The following FERMT3 variants were observed in gnomAD, a reference collection of about 807,000 sequenced individuals.
FERMT3 encodes the protein FERM domain containing kindlin 3.
In FERMT3, 33 loss-of-function variants were observed where a neutral mutation model predicts 80.8. The observed-to-expected ratio is 0.41, with a 90% CI of 0.31 to 0.55. The LOEUF (loss-of-function observed/expected upper bound fraction) is 0.55. FERMT3 is among the 20% of genes least tolerant of loss of function. The probability of loss-of-function intolerance (pLI) is 0.31; values close to 1 mark genes in which losing one functional copy is unlikely to be tolerated. For missense variants in FERMT3, 754 were observed against 908.7 expected, an observed-to-expected ratio of 0.83 and a Z score of 2.19; for synonymous variants, 375 against 372.2, an observed-to-expected ratio of 1.01 and a Z score of -0.09.
chr11:64,217,434 A>G (rs1946575356), intron 6 of FERMT3, among the ~76,000 whole-genome samples: 2 of 152,298 alleles, frequency 1.3e-5, no homozygotes, highest in South Asian at 4.1e-4. Context: ...CTGTAATCCC[A>G]GCTACTCAGG....
chr11:64,209,259 T>G (rs1039687793), intron 2 of FERMT3, among the ~76,000 whole-genome samples: 3 of 152,126 alleles, frequency 2.0e-5, no homozygotes, highest in African/African-American at 7.2e-5. Context: ...ACAGTCCCAG[T>G]GTCAGCCACT....
chr11:64,207,638 G>A, intron 2 of FERMT3, 114 bp downstream of exon 2: 1 of 1,309,272 alleles, frequency 7.6e-7, no homozygotes, highest in Non-Finnish European at 1.0e-6. Context: ...GTGTCACGGT[G>A]ACTCAGGCAT....
At position 64,219,830 on chromosome 11, in the gene FERMT3, T is replaced by C. The variant is rs1352977334; in HGVS notation, c.1079+41T>C. 1 of 1,613,934 alleles carries C rather than the reference T, an allele frequency of 6.2e-7. No homozygotes were observed. Among genetic ancestry groups the C allele is most frequent in the Admixed American group, 1.7e-5 (1 of 60,020 alleles). On this transcript the variant is annotated intron_variant, in intron 9 of 14. Transcript: ENST00000345728. This position sits in a 1 kb window ranked among gnomAD's most constrained non-coding sequence, Gnocchi z 4.0. ...GAGTAGGCAGCCCTGCTGGAGGGGT[T>C]GGTCTGCATATGGAGGGAGGGGGTG... is the stretch of plus-strand genomic sequence containing the variant.
At chr11:64,220,100 C>G in intron 10 of FERMT3, 85 bp downstream of exon 10, 1 of 1,586,270 alleles carries the variant, frequency 6.3e-7, no homozygotes, top group South Asian at 1.1e-5. Context: ...CCTGTTTCCT[C>G]CTGGAGACCG....
intron 6 of FERMT3, among the ~76,000 whole-genome samples, chr11:64,216,632 TAA>T (rs1946557197): frequency 6.7e-6 from 1 of 150,264 alleles, no homozygotes; most frequent in South Asian, 2.1e-4. Context: ...CTGTCTCTAC[TAA>T]AAATACAAAA....
Position 64,219,171 on chromosome 11 carries a change from G to T in FERMT3, c.787-80G>T. On this transcript the variant is annotated intron_variant, in intron 6 of 14. Coordinates refer to ENST00000345728, the MANE Select transcript of FERMT3 (RefSeq NM_031471.6). This position sits in a 1 kb window ranked among gnomAD's most constrained non-coding sequence, Gnocchi z 4.0. Reference sequence around the variant, plus strand: ...GAGGGCAGGGCAGAGGGCCAAGGCTGGCAGGGGCTCAGTGCAGGGCGTCCA... The same window carrying T: ...GAGGGCAGGGCAGAGGGCCAAGGCTTGCAGGGGCTCAGTGCAGGGCGTCCA... The T allele has an allele frequency of 2.2e-6, 3 of 1,371,146 alleles. No individual in the cohort carries two copies. The highest frequency in any genetic ancestry group is 3.0e-6 in the Non-Finnish European group (3 of 988,162). The allele number at this position is 1,371,146 out of a possible 1,614,324, so 84.9% of individuals were successfully genotyped here. A position where few individuals can be genotyped will look rare whatever the true frequency, so the allele number is the denominator to read the frequency against.
intron 6 of FERMT3, among the ~76,000 whole-genome samples, chr11:64,214,861 G>A (rs1946518325): frequency 6.7e-6 from 1 of 149,420 alleles, no homozygotes; most frequent in Non-Finnish European, 1.5e-5. Flanking sequence ...GGAGTGCAAT[G>A]GCGTGATCTC....
chr11:64,219,745 C>G lies in FERMT3; in HGVS notation c.1035C>G (p.Ser345Arg). Residue 345 changes from serine (S) to arginine (R), a missense_variant, in exon 9 of 15, where the codon AGC becomes AGG. Transcript: ENST00000345728. The surrounding 1 kb of genome is among the most constrained non-coding windows in gnomAD (Gnocchi z 4.0). ...EGSAPTDVLD[S>R]LTTIPELKDH... is the part of the protein sequence containing the mutation. ...TGACTCTGGTCCTCCCATAGGACAG[C>G]CTCACCACCATCCCAGAGCTCAAGG... is the stretch of plus-strand genomic sequence containing the variant. 6.2e-7 allele frequency: 1 copy of G among 1,613,850 alleles called. No individual in the cohort carries two copies. The highest frequency in any genetic ancestry group is 8.5e-7 in the Non-Finnish European group (1 of 1,179,936).
rs188390443 is a variant in FERMT3, at chr11:64,208,257, C to T, written c.160+733C>T. Among the ~76,000 whole-genome samples, 687 of 152,290 alleles carry T rather than the reference C, an allele frequency of 4.5e-3. 8 individuals are homozygous for T. Among genetic ancestry groups the T allele is most frequent in the African/African-American group, 0.014 (565 of 41,564 alleles). On this transcript the variant is annotated intron_variant, in intron 2 of 14. Coordinates refer to ENST00000345728, the MANE Select transcript of FERMT3 (RefSeq NM_031471.6). Reference sequence around the variant, plus strand: ...GTGGAGAGGATAGGGTCCAGAACGGCCCGGCCACAAGACTGAGGCTGTGAG... The same window carrying T: ...GTGGAGAGGATAGGGTCCAGAACGGTCCGGCCACAAGACTGAGGCTGTGAG...
At chr11:64,214,168 C>CTTTTTTTTT (rs60329788) in intron 6 of FERMT3, among the ~76,000 whole-genome samples, 5 of 113,444 alleles carry the variant, frequency 4.4e-5, no homozygotes, top group South Asian at 2.9e-4. Flanking sequence ...TCATAATTGC[C>CTTTTTTTTT]TTTTTTTTTT....
In FERMT3 at chr11:64,223,583, CCAGG is replaced by C; in HGVS notation, c.*98_*101del. On this transcript the variant is annotated 3_prime_UTR_variant, in exon 15 of 15. Coordinates refer to ENST00000345728, the MANE Select transcript of FERMT3 (RefSeq NM_031471.6). ...AGGGGCTCACTGCCCCACACCCGCT[CCAGG>C]CAGGCACCCAGCTGGGCATTTCACC... 2 of 1,440,158 alleles carry C rather than the reference CCAGG, an allele frequency of 1.4e-6. No homozygotes were observed. The highest frequency in any genetic ancestry group is 1.9e-6 in the Non-Finnish European group (2 of 1,059,554). The allele number at this position is 1,440,158 out of a possible 1,614,324, so 89.2% of individuals were successfully genotyped here.
chr11:64,220,412 GT>G, intron 11 of FERMT3, 23 bp from the exon 12 acceptor site: 1 of 1,609,686 alleles, frequency 6.2e-7, no homozygotes, highest in African/African-American at 1.3e-5. Flanking sequence ...GGTTAGCACT[GT>G]CCCCCTCACC....
chr11:64,207,616 C>A, intron 2 of FERMT3, 92 bp downstream of exon 2: 1 of 1,457,560 alleles, frequency 6.9e-7, no homozygotes, highest in Non-Finnish European at 9.3e-7. Context: ...TGCTGCTCAG[C>A]TCCCGATAAT....
chr11:64,210,467 C>A lies in FERMT3; in HGVS notation c.161-144C>A. The A allele has an allele frequency of 1.2e-6, 1 of 815,100 alleles. No individual in the cohort carries two copies. The allele number at this position is 815,100 out of a possible 1,614,324, so 50.5% of individuals were successfully genotyped here. A position where few individuals can be genotyped will look rare whatever the true frequency, so the allele number is the denominator to read the frequency against. On this transcript the variant is annotated intron_variant, in intron 2 of 14. Transcript: ENST00000345728. The surrounding 1 kb of genome is among the most constrained non-coding windows in gnomAD (Gnocchi z 4.3). ...CTGCTGCTGTTACCATGGGGTAGAC[C>A]CCAGGCCCGCCCAGGCTGCCCCACT...
rs778511386 is a variant in FERMT3, at chr11:64,211,088, C to T, written c.431C>T (p.Ala144Val). Residue 144 changes from alanine to valine, a missense_variant, in exon 4 of 15, where the codon GCT becomes GTT. Physicochemically the swap from Ala to Val is moderately conservative, Grantham distance 64. Transcript: ENST00000345728. This position sits in a 1 kb window ranked among gnomAD's most constrained non-coding sequence, Gnocchi z 4.7. ...CCCGAGGAGCTGTCCCTGCTCCGGGCTCCTGAGAAGAAGGAGAAGAAGAAG... is the reference window on the plus strand; with the variant it reads ...CCCGAGGAGCTGTCCCTGCTCCGGGTTCCTGAGAAGAAGGAGAAGAAGAAG... ...RHPEELSLLR[A>V]PEKKEKKKKE... 1 of 1,583,210 alleles carries T rather than the reference C, an allele frequency of 6.3e-7. No individual in the cohort carries two copies. Among genetic ancestry groups the T allele is most frequent in the Non-Finnish European group, 8.6e-7 (1 of 1,164,500 alleles).
chr11:64,223,264 G>C, intron 14 of FERMT3, 49 bp from the exon 15 acceptor site: 1 of 1,613,054 alleles, frequency 6.2e-7, no homozygotes, highest in Non-Finnish European at 8.5e-7. Context: ...GTGGGGCAGG[G>C]GCTGCTCCCT....
At chr11:64,216,725 G>A (rs1028263337) in intron 6 of FERMT3, among the ~76,000 whole-genome samples, 3 of 149,716 alleles carry the variant, frequency 2.0e-5, no homozygotes, top group South Asian at 2.1e-4. Context: ...GAACCTGGGA[G>A]GCGGAGCTTG....
intron 2 of FERMT3, among the ~76,000 whole-genome samples, chr11:64,208,117 C>G (rs1445976245): frequency 6.6e-6 from 1 of 151,180 alleles, no homozygotes; most frequent in Non-Finnish European, 1.5e-5. Flanking sequence ...CACCACAGTC[C>G]CGGCCAAGAG....
rs1946333756 is a variant in FERMT3, at chr11:64,207,354, C to T, written c.-11C>T. On this transcript the variant is annotated 5_prime_UTR_variant, in exon 2 of 15. Coordinates refer to ENST00000345728, the MANE Select transcript of FERMT3 (RefSeq NM_031471.6). ...CCTCCTTCCACACTCTCTGTAGCAG[C>T]AGCCGCAGCCATGGCGGGGATGAAG... 1.1e-5 allele frequency: 18 copies of T among 1,614,002 alleles called. No individual in the cohort carries two copies. Among genetic ancestry groups the T allele is most frequent in the Non-Finnish European group, 1.4e-5 (17 of 1,180,018 alleles).
Sources: allele counts gnomAD v4.1 joint callset (sites outside exome capture counted in the v4.1 genomes callset), GRCh38; gene constraint gnomAD v4.1.1; non-coding constraint Gnocchi (gnomAD v3.1); transcripts MANE v1.5; gene names NCBI Gene and HGNC (gene_info 2026-07-23, HGNC 2026-07-21).